Variants in RORA observed in about 807,000 individuals in gnomAD.
RORA encodes RAR related orphan receptor A, also known as nuclear receptor ROR-alpha.
A neutral mutation model predicts 69.5 loss-of-function variants in RORA; 7 were observed. The ratio of observed to expected loss-of-function variants is 0.10; its 90% confidence interval spans 0.06 to 0.19. The LOEUF is 0.19. Ranked by LOEUF, RORA falls within the 10% of genes least tolerant of loss-of-function variation. The pLI, the probability that RORA is intolerant of heterozygous loss-of-function variation, is 1.00. For missense variants in RORA, 457 were observed against 663.0 expected (o/e 0.69, Z 3.41); for synonymous variants, 261 against 240.8 (o/e 1.08, Z -0.78).
At chr15:60,873,453 T>G (rs573052331) in intron 1 of RORA, among the ~76,000 whole-genome samples, 1 of 152,324 alleles carries the variant, frequency 6.6e-6, no homozygotes, top group East Asian at 1.9e-4. Context: ...GGATTACATG[T>G]TAAAAGTTAC....
chr15:61,192,985 C>T (rs975703114), intron 1 of RORA, among the ~76,000 whole-genome samples: 3 of 152,148 alleles, frequency 2.0e-5, no homozygotes, highest in East Asian at 1.9e-4. Flanking sequence ...CTCCTTGGCA[C>T]GAAACCTTCA....
At chr15:60,835,286 A>G (rs1271823113) in intron 1 of RORA, among the ~76,000 whole-genome samples, 1 of 152,234 alleles carries the variant, frequency 6.6e-6, no homozygotes, top group Non-Finnish European at 1.5e-5. Flanking sequence ...CTATGAGTTA[A>G]TAAGAATTTT....
intron 2 of RORA, among the ~76,000 whole-genome samples, chr15:60,597,111 C>T (rs1042351014): frequency 2.6e-5 from 4 of 152,098 alleles, no homozygotes; most frequent in East Asian, 1.9e-4. Context: ...AAGATGTTTG[C>T]GCAGCACTGT....
chr15:60,669,672 A>G (rs1217459795), intron 2 of RORA, among the ~76,000 whole-genome samples: 1 of 152,134 alleles, frequency 6.6e-6, no homozygotes, highest in Non-Finnish European at 1.5e-5. Context: ...CCCTGATCAC[A>G]CCTAATTCTT....
chr15:60,967,373 AT>A (rs1447627027), intron 1 of RORA, among the ~76,000 whole-genome samples: 1 of 152,176 alleles, frequency 6.6e-6, no homozygotes, highest in Non-Finnish European at 1.5e-5. Flanking sequence ...GAGAATTTGA[AT>A]TGGGAATCAG....
chr15:60,781,831 T>A (rs2072263735), intron 1 of RORA, among the ~76,000 whole-genome samples: 1 of 152,226 alleles, frequency 6.6e-6, no homozygotes, highest in African/African-American at 2.4e-5. Flanking sequence ...TGTTCTACAA[T>A]CTTCAAATCC....
intron 2 of RORA, among the ~76,000 whole-genome samples, chr15:60,596,987 A>G (rs1487728539): frequency 6.6e-6 from 1 of 152,206 alleles, no homozygotes; most frequent in African/African-American, 2.4e-5. Flanking sequence ...ATAAGACAGT[A>G]GCCCTGATTT....
intron 1 of RORA, among the ~76,000 whole-genome samples, chr15:60,730,217 T>C (rs1223759331): frequency 6.6e-6 from 1 of 152,338 alleles, no homozygotes; most frequent in South Asian, 2.1e-4. Context: ...TCTTCCTCTA[T>C]ACAGGAAGAC....
chr15:61,130,356 T>A (rs558781714), intron 1 of RORA, among the ~76,000 whole-genome samples: 1 of 152,220 alleles, frequency 6.6e-6, no homozygotes, highest in South Asian at 2.1e-4. Flanking sequence ...TCATTTCACA[T>A]GTGGAAAAAA....
At chr15:60,825,850 C>A (rs553176444) in intron 1 of RORA, among the ~76,000 whole-genome samples, 1 of 152,172 alleles carries the variant, frequency 6.6e-6, no homozygotes, top group Non-Finnish European at 1.5e-5. Context: ...GAACAAGCAG[C>A]GGCCATCCAG....
chr15:60,575,824 A>T (rs2068008874), intron 2 of RORA, among the ~76,000 whole-genome samples: 1 of 152,256 alleles, frequency 6.6e-6, no homozygotes. Flanking sequence ...CCTAAACATG[A>T]GCCATTTTAT....
intron 1 of RORA, among the ~76,000 whole-genome samples, chr15:61,042,620 T>A (rs1177660418): frequency 1.3e-5 from 2 of 152,218 alleles, no homozygotes; most frequent in South Asian, 2.1e-4. Context: ...GAGATTAATT[T>A]GTGCTTAGCT....
chr15:60,688,614 T>C (rs923238530), intron 1 of RORA, among the ~76,000 whole-genome samples: 1 of 152,206 alleles, frequency 6.6e-6, no homozygotes, highest in African/African-American at 2.4e-5. Context: ...GAAGTGAAAG[T>C]GTGATAGCAT....
chr15:60,947,566 G>C (rs865844524), intron 1 of RORA, among the ~76,000 whole-genome samples: 2 of 151,836 alleles, frequency 1.3e-5, no homozygotes, highest in Non-Finnish European at 2.9e-5. Context: ...GAAGGCCCCA[G>C]GGTCCTCTGC....
chr15:61,171,457 C>A (rs1206962158), intron 1 of RORA, among the ~76,000 whole-genome samples: 1 of 152,154 alleles, frequency 6.6e-6, no homozygotes, highest in African/African-American at 2.4e-5. Flanking sequence ...CCAGGTGATG[C>A]TGATTCTGCT....
chr15:60,571,523 A>C (rs78221743), intron 2 of RORA, among the ~76,000 whole-genome samples: 3 of 152,332 alleles, frequency 2.0e-5, no homozygotes, highest in African/African-American at 7.2e-5. Flanking sequence ...GACATCACTT[A>C]CAGCACTTTT....
intron 1 of RORA, among the ~76,000 whole-genome samples, chr15:60,713,993 G>A (rs904278219): frequency 2.6e-5 from 4 of 152,058 alleles, no homozygotes; most frequent in East Asian, 1.9e-4. Flanking sequence ...TGGCAAAACC[G>A]GGGCCTCTAG....
At chr15:60,583,228 G>A (rs560941841) in intron 2 of RORA, among the ~76,000 whole-genome samples, 1 of 152,300 alleles carries the variant, frequency 6.6e-6, no homozygotes, top group South Asian at 2.1e-4. Flanking sequence ...GGCAGCATTT[G>A]GTCTCCCCTG....
chr15:60,969,006 C>T (rs528153959), intron 1 of RORA, among the ~76,000 whole-genome samples: 46 of 152,254 alleles, frequency 3.0e-4, no homozygotes, highest in African/African-American at 1.0e-3. Context: ...TTTTAAAATA[C>T]GTCCCTCAAT....
Sources: gnomAD v4.1 joint callset for allele counts (sites outside exome capture counted in the v4.1 genomes callset) on GRCh38, gnomAD v4.1.1 for gene constraint, MANE v1.5 for transcripts, NCBI Gene and HGNC (gene_info 2026-07-23, HGNC 2026-07-21) for gene names.